Variants in FBXO4 observed in about 807,000 individuals in gnomAD.
FBXO4 encodes F-box protein 4, also known as F-box only protein 4.
In FBXO4, 36 loss-of-function variants were observed where a neutral mutation model predicts 43.7. The ratio of observed to expected loss-of-function variants is 0.82; its 90% CI spans 0.63 to 1.09. FBXO4 has a LOEUF of 1.09. FBXO4 is among the 50% of genes least tolerant of loss of function. The pLI is 0.00. For missense variants in FBXO4, 435 were observed against 474.1 expected (o/e 0.92, Z 0.77); for synonymous variants, 180 against 165.6 (o/e 1.09, Z -0.67).
At chr5:41,976,991 G>C in the FBXO4 span, among the ~76,000 whole-genome samples, 1 of 152,202 alleles carries the variant, frequency 6.6e-6, no homozygotes, top group Non-Finnish European at 1.5e-5. Flanking sequence ...AGTAAATCTT[G>C]TGGCTTGTGA....
At chr5:41,930,632 G>A (rs1343408157) in intron 3 of FBXO4, among the ~76,000 whole-genome samples, 5 of 151,912 alleles carry the variant, frequency 3.3e-5, no homozygotes, top group Non-Finnish European at 7.4e-5. Context: ...GGTGTTCCAG[G>A]CAGCGAGAAC....
chr5:41,971,140 A>C, the FBXO4 span, among the ~76,000 whole-genome samples: 2 of 151,990 alleles, frequency 1.3e-5, no homozygotes, highest in African/African-American at 4.8e-5. Context: ...GTTACTAAAA[A>C]AACAAAACCA....
chr5:41,946,303 A>C (rs891394872), downstream of FBXO4, among the ~76,000 whole-genome samples: 2 of 152,204 alleles, frequency 1.3e-5, no homozygotes, highest in Non-Finnish European at 2.9e-5. Context: ...AGATTATAGA[A>C]TTGTGTTTAT....
chr5:42,032,610 G>A, the FBXO4 span, among the ~76,000 whole-genome samples: 1 of 152,270 alleles, frequency 6.6e-6, no homozygotes, highest in African/African-American at 2.4e-5. Context: ...CCTGATGTGA[G>A]ACTCACGCTT....
chr5:42,014,565 T>G, the FBXO4 span, among the ~76,000 whole-genome samples: 36 of 152,334 alleles, frequency 2.4e-4, no homozygotes, highest in Non-Finnish European at 4.3e-4. Context: ...GAGTTTCTTC[T>G]GCATGTTACT....
the FBXO4 span, among the ~76,000 whole-genome samples, chr5:42,029,650 C>A: frequency 1.3e-5 from 2 of 150,880 alleles, no homozygotes; most frequent in Non-Finnish European, 3.0e-5. Flanking sequence ...TTTATTTTTT[C>A]TTTTATCTCC....
the FBXO4 span, among the ~76,000 whole-genome samples, chr5:42,029,542 CTT>C: frequency 6.6e-6 from 1 of 151,982 alleles, no homozygotes; most frequent in African/African-American, 2.4e-5. Flanking sequence ...ACTCCTATCT[CTT>C]TTCCTACCAT....
At chr5:41,934,890 A>T (rs1437832491) in intron 5 of FBXO4, 1 of 985,512 alleles carries the variant, frequency 1.0e-6, no homozygotes, top group Non-Finnish European at 1.2e-6. Flanking sequence ...TAGTATTATA[A>T]TATCTTTCCC....
At chr5:42,010,861 T>C in the FBXO4 span, among the ~76,000 whole-genome samples, 2 of 152,154 alleles carry the variant, frequency 1.3e-5, no homozygotes, top group Admixed American at 6.5e-5. Context: ...ATTTGTTATT[T>C]TCTGCTCTTT....
At chr5:41,980,773 A>ATT in the FBXO4 span, among the ~76,000 whole-genome samples, 2 of 148,686 alleles carry the variant, frequency 1.3e-5, no homozygotes, top group African/African-American at 4.9e-5. Flanking sequence ...CTACCTGTGT[A>ATT]TTTTTTTTTT....
chr5:42,005,730 T>A, the FBXO4 span, among the ~76,000 whole-genome samples: 1 of 152,122 alleles, frequency 6.6e-6, no homozygotes, highest in Non-Finnish European at 1.5e-5. Context: ...TATCACCCCT[T>A]CCTTACCAGT....
intron 5 of FBXO4, among the ~76,000 whole-genome samples, chr5:41,937,480 T>C (rs1379520371): frequency 1.3e-5 from 2 of 152,328 alleles, no homozygotes; most frequent in Admixed American, 1.3e-4. Context: ...AATGTCTTAG[T>C]TCATTTGTGC....
chr5:42,007,893 C>T, the FBXO4 span, among the ~76,000 whole-genome samples: 1 of 152,020 alleles, frequency 6.6e-6, no homozygotes, highest in African/African-American at 2.4e-5. Context: ...AGGAAAAGAT[C>T]TACTCAAGCA....
the FBXO4 span, among the ~76,000 whole-genome samples, chr5:42,035,555 C>T: frequency 6.6e-6 from 1 of 152,218 alleles, no homozygotes; most frequent in East Asian, 1.9e-4. Context: ...TTGTCATTGG[C>T]ATTGGATTAC....
the FBXO4 span, among the ~76,000 whole-genome samples, chr5:42,012,231 A>T: frequency 6.6e-6 from 1 of 152,118 alleles, no homozygotes; most frequent in African/African-American, 2.4e-5. Context: ...TCTGCACAAC[A>T]CCAGGGCCTC....
chr5:42,038,215 G>T, the FBXO4 span, among the ~76,000 whole-genome samples: 7 of 152,154 alleles, frequency 4.6e-5, no homozygotes, highest in East Asian at 5.8e-4. Context: ...TCTGGTGAGG[G>T]ATAACTCATA....
At chr5:41,973,927 A>G in the FBXO4 span, among the ~76,000 whole-genome samples, 40 of 152,310 alleles carry the variant, frequency 2.6e-4, no homozygotes, top group African/African-American at 9.4e-4. Flanking sequence ...CCTGCTGGCA[A>G]TGAATTCTCC....
chr5:41,995,042 T>C, the FBXO4 span, among the ~76,000 whole-genome samples: 13 of 152,172 alleles, frequency 8.5e-5, no homozygotes, highest in African/African-American at 3.1e-4. Context: ...TATCACCTAG[T>C]TGGCGTTGTA....
Position 41,939,504 on chromosome 5 carries a change from C to G in FBXO4, c.962C>G (p.Ser321Trp). 2 of 1,613,752 alleles carry G rather than the reference C, an allele frequency of 1.2e-6. No individual in the cohort carries two copies. Among genetic ancestry groups the G allele is most frequent in the Non-Finnish European group, 1.7e-6 (2 of 1,179,818 alleles). The change falls in exon 6 of 7, where the codon TCG (serine) becomes TGG (tryptophan). Residue 321 changes from serine to tryptophan, a missense_variant. By Grantham distance (177) the Ser-to-Trp change is radical. Transcript: ENST00000281623. ...ATGACAGATCCAGCCTTTGGGTCTT[C>G]GGGAAGACCATTGTTGGTTTTATCT... Reference protein sequence around the residue: ...MAMTDPAFGSSGRPLLVLSCI... With the variant: ...MAMTDPAFGSWGRPLLVLSCI...
Sources: gnomAD v4.1 joint callset for allele counts (sites outside exome capture counted in the v4.1 genomes callset) on GRCh38, gnomAD v4.1.1 for gene constraint, MANE v1.5 for transcripts, NCBI Gene and HGNC (gene_info 2026-07-23, HGNC 2026-07-21) for gene names.